Variants in JAK1 observed in about 807,000 individuals in gnomAD.
JAK1 encodes the protein Janus kinase 1.
Under a neutral mutation model 136.6 loss-of-function variants are expected in JAK1, and 16 were observed. That is an observed-to-expected ratio of 0.12 (90% CI 0.08 to 0.18). The LOEUF is 0.18. Ranked by LOEUF, JAK1 falls within the 10% of genes least tolerant of loss-of-function variation. The pLI is 1.00. For synonymous variants in JAK1, 492 were observed against 519.5 expected, an observed-to-expected ratio of 0.95 and a Z score of 0.72; for missense variants, 859 against 1,450.1, an observed-to-expected ratio of 0.59 and a Z score of 6.62.
chr1:64,861,125 C>T (rs1046561687), intron 8 of JAK1, among the ~76,000 whole-genome samples: 2 of 151,960 alleles, frequency 1.3e-5, no homozygotes, highest in African/African-American at 4.8e-5. Flanking sequence ...AAGCATGCAC[C>T]GTGATCTTGG....
chr1:64,840,744 A>T (rs1654841870), intron 19 of JAK1, among the ~76,000 whole-genome samples: 4 of 152,132 alleles, frequency 2.6e-5, no homozygotes, highest in African/African-American at 9.6e-5. Flanking sequence ...AGGCAGGAAG[A>T]TTGCTTGAGC....
chr1:64,945,731 C>CT (rs35421858), intron 1 of JAK1, among the ~76,000 whole-genome samples: 107,196 of 148,066 alleles, frequency 0.72, 40,696 homozygotes, highest in Middle Eastern at 0.91. Context: ...GGTTTGCTTT[C>CT]TTTTTTTTTT....
intron 1 of JAK1, among the ~76,000 whole-genome samples, chr1:64,949,793 T>C (rs1033415072): frequency 5.3e-5 from 8 of 152,214 alleles, no homozygotes; most frequent in African/African-American, 1.9e-4. Context: ...AGTAAATCTA[T>C]GCATTCATCC....
At chr1:64,842,703 T>C (rs1450071940) in intron 17 of JAK1, among the ~76,000 whole-genome samples, 2 of 152,170 alleles carry the variant, frequency 1.3e-5, no homozygotes, top group African/African-American at 2.4e-5. Context: ...GCTCAATAAA[T>C]ACTGACTGAT....
Position 64,939,044 on chromosome 1 carries a change from T to C in JAK1, c.-78+27289A>G, listed in dbSNP as rs190692399. ...AGGCTGGAGTGCAATGGCATGACCATGGCTCACTGCTGCCTTGAACTCCTG... is the reference window on the plus strand; with the variant it reads ...AGGCTGGAGTGCAATGGCATGACCACGGCTCACTGCTGCCTTGAACTCCTG... On this transcript the variant is annotated intron_variant, in intron 1 of 24. Coordinates refer to ENST00000342505, the MANE Select transcript of JAK1 (RefSeq NM_002227.4). Among the ~76,000 whole-genome samples the C allele has an allele frequency of 1.5e-4, 23 of 152,324 alleles. No individual in the cohort carries two copies. In the East Asian group the frequency reaches 3.5e-3, roughly 23 times the overall value.
intron 1 of JAK1, among the ~76,000 whole-genome samples, chr1:64,894,803 A>T (rs907625197): frequency 6.6e-6 from 1 of 151,800 alleles, no homozygotes; most frequent in Non-Finnish European, 1.5e-5. Flanking sequence ...AAAACCAGGA[A>T]ATCTCAAGAA....
At chr1:65,040,980 C>T (rs919856739) in intron 2 of JAK1, among the ~76,000 whole-genome samples, 2 of 152,072 alleles carry the variant, frequency 1.3e-5, no homozygotes, top group African/African-American at 2.4e-5. Context: ...TGTATATCAT[C>T]GCTCCTGTTG....
At chr1:65,025,635 A>C (rs547678300) in intron 2 of JAK1, among the ~76,000 whole-genome samples, 2 of 151,964 alleles carry the variant, frequency 1.3e-5, no homozygotes, top group African/African-American at 4.8e-5. Context: ...ATGACCTTGG[A>C]AAAAATCACT....
At chr1:64,986,359 G>C (rs916636608) in intron 2 of JAK1, among the ~76,000 whole-genome samples, 4 of 151,928 alleles carry the variant, frequency 2.6e-5, no homozygotes, top group African/African-American at 9.7e-5. Context: ...CACCCACCTC[G>C]GCCTCCCAAA....
chr1:65,019,464 A>C (rs1646918792), intron 2 of JAK1, among the ~76,000 whole-genome samples: 2 of 139,312 alleles, frequency 1.4e-5, no homozygotes, highest in African/African-American at 5.3e-5. Context: ...CCCCCCCCCC[A>C]ATATATTTAG....
intron 8 of JAK1, among the ~76,000 whole-genome samples, chr1:64,864,538 G>A (rs1356101702): frequency 1.3e-5 from 2 of 152,232 alleles, no homozygotes; most frequent in African/African-American, 2.4e-5. Flanking sequence ...ATGCTGAGGT[G>A]TATTTGGGAG....
intron 2 of JAK1, among the ~76,000 whole-genome samples, chr1:65,038,191 T>TCTTTTC (rs1647093924): frequency 6.7e-6 from 1 of 149,568 alleles, no homozygotes; most frequent in Non-Finnish European, 1.5e-5. Context: ...TTTTTCTTTT[T>TCTTTTC]TCTTTTCTTT....
intron 1 of JAK1, among the ~76,000 whole-genome samples, chr1:64,889,461 C>T (rs898031730): frequency 1.3e-4 from 20 of 151,964 alleles, no homozygotes; most frequent in Admixed American, 1.2e-3. Flanking sequence ...CTTTTGGTGA[C>T]AGAGGATTAC....
At chr1:64,932,843 C>T (rs1299200105) in intron 1 of JAK1, among the ~76,000 whole-genome samples, 2 of 152,160 alleles carry the variant, frequency 1.3e-5, no homozygotes, top group African/African-American at 4.8e-5. Context: ...CCACTGACAT[C>T]TGACTCTGCA....
At chr1:65,023,827 G>A (rs1278290171) in intron 2 of JAK1, among the ~76,000 whole-genome samples, 1 of 151,608 alleles carries the variant, frequency 6.6e-6, no homozygotes, top group Non-Finnish European at 1.5e-5. Flanking sequence ...TAGTTTGCCT[G>A]CTCTGGGATT....
chr1:64,929,950 A>G (rs1645658964), intron 1 of JAK1, among the ~76,000 whole-genome samples: 1 of 152,244 alleles, frequency 6.6e-6, no homozygotes, highest in Non-Finnish European at 1.5e-5. Context: ...CCTATTTAAT[A>G]AATGGTGTTG....
rs188023131 is a variant in JAK1 at position 64,892,767 on chromosome 1, T to C, written c.-77-6426A>G. 3.5e-4 allele frequency among the ~76,000 whole-genome samples: 54 copies of C among 152,298 alleles called. 1 individual carries two copies. The highest frequency in any genetic ancestry group is 1.3e-3 in the African/African-American group (52 of 41,562). Reference sequence around the variant, plus strand: ...CGGCTAAGGCGTTCCCACAGTCAACTGGCCAGTGAGAGGTGAGATAGGTCT... The same window carrying C: ...CGGCTAAGGCGTTCCCACAGTCAACCGGCCAGTGAGAGGTGAGATAGGTCT... On this transcript the variant is annotated intron_variant, in intron 1 of 24. Coordinates refer to ENST00000342505, the MANE Select transcript of JAK1 (RefSeq NM_002227.4).
At chr1:65,006,217 A>G (rs1424638473) in intron 2 of JAK1, among the ~76,000 whole-genome samples, 14 of 152,220 alleles carry the variant, frequency 9.2e-5, no homozygotes. Context: ...TTTTTTGAAT[A>G]GTTCACTATG....
intron 2 of JAK1, among the ~76,000 whole-genome samples, chr1:65,022,183 G>T (rs1338361004): frequency 1.3e-5 from 2 of 152,220 alleles, no homozygotes; most frequent in African/African-American, 4.8e-5. Flanking sequence ...AATTCAGGGT[G>T]ATGACTACTT....
Sources: gnomAD v4.1 joint callset for allele counts (sites outside exome capture counted in the v4.1 genomes callset) on GRCh38, gnomAD v4.1.1 for gene constraint, MANE v1.5 for transcripts, NCBI Gene and HGNC (gene_info 2026-07-23, HGNC 2026-07-21) for gene names.